Variants in GALNT1 observed in about 807,000 individuals in gnomAD.
GALNT1 encodes polypeptide N-acetylgalactosaminyltransferase 1.
In GALNT1, 17 loss-of-function variants were observed where a neutral mutation model predicts 65.7. The ratio of observed to expected loss-of-function variants is 0.26; its 90% CI spans 0.18 to 0.39. GALNT1 has a LOEUF of 0.39. Among genes scored for constraint, GALNT1 ranks in the 10% least tolerant of loss-of-function variants. GALNT1 has a pLI of 1.00. For synonymous variants in GALNT1, 210 were observed against 219.7 expected, an observed-to-expected ratio of 0.96 and a Z score of 0.39; for missense variants, 460 against 672.8, an observed-to-expected ratio of 0.68 and a Z score of 3.50.
intron 1 of GALNT1, among the ~76,000 whole-genome samples, chr18:35,652,424 C>T (rs2047323034): frequency 6.6e-6 from 1 of 152,086 alleles, no homozygotes; most frequent in African/African-American, 2.4e-5. Context: ...GAGTTTCAGC[C>T]CCCTTTTTTC....
At position 35,654,757 on chromosome 18, in the gene GALNT1, A is replaced by G; in HGVS notation, c.95A>G (p.Asn32Ser). Residue 32 changes from asparagine to serine, a missense_variant, in exon 2 of 12, where the codon AAC becomes AGC. Coordinates refer to ENST00000269195, the MANE Select transcript of GALNT1 (RefSeq NM_020474.4). ...MFLLLYFSEC[N>S]KCDEKKERGL... ...CTGCTGCTTTACTTCAGTGAATGCA[A>G]CAAATGTGATGAAAAAAAGGAGAGA... 1 of 1,574,942 alleles carries G rather than the reference A, an allele frequency of 6.3e-7. No homozygotes were observed. The highest frequency in any genetic ancestry group is 8.6e-7 in the Non-Finnish European group (1 of 1,158,266).
intron 1 of GALNT1, among the ~76,000 whole-genome samples, chr18:35,637,086 C>G (rs1463826817): frequency 6.6e-6 from 1 of 152,056 alleles, no homozygotes; most frequent in Admixed American, 6.5e-5. Context: ...CCAGCCGTTT[C>G]CCTGTCTCTC....
At chr18:35,606,208 G>A (rs998363051) in intron 1 of GALNT1, among the ~76,000 whole-genome samples, 1 of 152,172 alleles carries the variant, frequency 6.6e-6, no homozygotes, top group Non-Finnish European at 1.5e-5. Context: ...GTCTCATAAA[G>A]CTTCCGCCTG....
rs1404615329 is a variant in GALNT1 at position 35,709,688 on chromosome 18, A to G, written c.1598A>G (p.Gln533Arg). The G allele has an allele frequency of 6.2e-7, 1 of 1,614,170 alleles. No homozygotes were observed. The highest frequency in any genetic ancestry group is 1.6e-4 in the Middle Eastern group (1 of 6,062). ...CLDKATEEDS[Q>R]VPSIRDCNGS... ...GATAAAGCCACAGAAGAGGATAGCC[A>G]GGTGCCCAGCATTAGAGACTGCAAT... Residue 533 changes from glutamine to arginine, a missense_variant, in exon 12 of 12, where the codon CAG becomes CGG. By Grantham distance (43) the Gln-to-Arg change is conservative (BLOSUM62 1). Transcript: ENST00000269195.
At chr18:35,671,503 C>T (rs760705913) in intron 3 of GALNT1, among the ~76,000 whole-genome samples, 4 of 152,134 alleles carry the variant, frequency 2.6e-5, no homozygotes, top group Non-Finnish European at 4.4e-5. Context: ...ATGACTTGAT[C>T]TACATGTATT....
chr18:35,645,157 A>G (rs1339927467), intron 1 of GALNT1, among the ~76,000 whole-genome samples: 2 of 151,264 alleles, frequency 1.3e-5, no homozygotes, highest in African/African-American at 2.4e-5. Flanking sequence ...GTATCCTTCA[A>G]TAAAGCTCCA....
At chr18:35,598,014 CTCCCCTCCAATCCCCTCCCA>C (rs567204698) in intron 1 of GALNT1, among the ~76,000 whole-genome samples, 3,934 of 68,804 alleles carry the variant, frequency 0.057, 302 homozygotes, top group Admixed American at 0.12. Flanking sequence ...CTCCCCTCCC[CTCCCCTCCAATCCCCTCCCA>C]TCCCCTCCCC....
intron 1 of GALNT1, among the ~76,000 whole-genome samples, chr18:35,583,240 T>C (rs1328128422): frequency 1.3e-5 from 2 of 152,224 alleles, no homozygotes; most frequent in Non-Finnish European, 2.9e-5. Context: ...ACTCAAGTAA[T>C]GCAGAATGTG....
intron 1 of GALNT1, among the ~76,000 whole-genome samples, chr18:35,637,658 G>A (rs7241047): frequency 0.22 from 34,111 of 152,156 alleles, 4,297 homozygotes; most frequent in African/African-American, 0.33. Flanking sequence ...GTTATCCAGA[G>A]GATCTAGCTA....
chr18:35,611,301 C>T (rs1424760879), intron 1 of GALNT1, among the ~76,000 whole-genome samples: 3 of 151,990 alleles, frequency 2.0e-5, no homozygotes, highest in African/African-American at 7.3e-5. Flanking sequence ...ACTAAATTGG[C>T]CAAGGGATTG....
chr18:35,695,873 A>T (rs974796379), intron 9 of GALNT1, among the ~76,000 whole-genome samples: 1 of 152,192 alleles, frequency 6.6e-6, no homozygotes, highest in African/African-American at 2.4e-5. Context: ...GCTTGTCTTT[A>T]GAACCAAAAA....
intron 11 of GALNT1, among the ~76,000 whole-genome samples, chr18:35,708,220 A>G (rs2048297646): frequency 6.6e-6 from 1 of 152,062 alleles, no homozygotes; most frequent in African/African-American, 2.4e-5. Context: ...TCCTCTCAAT[A>G]AACTACACAA....
intron 1 of GALNT1, among the ~76,000 whole-genome samples, chr18:35,587,663 A>T (rs1334550470): frequency 6.6e-6 from 1 of 152,206 alleles, no homozygotes; most frequent in Non-Finnish European, 1.5e-5. Flanking sequence ...TTTTTTAAAT[A>T]TTGAGCCAGC....
intron 1 of GALNT1, among the ~76,000 whole-genome samples, chr18:35,607,307 A>T (rs1422990969): frequency 6.6e-6 from 1 of 152,134 alleles, no homozygotes; most frequent in Admixed American, 6.5e-5. Flanking sequence ...TGTTGTCCTC[A>T]TGGAGTCCTT....
At chr18:35,677,333 A>T (rs1400205807) in intron 3 of GALNT1, among the ~76,000 whole-genome samples, 1 of 152,206 alleles carries the variant, frequency 6.6e-6, no homozygotes, top group Non-Finnish European at 1.5e-5. Context: ...GAATCACCTG[A>T]AAACATTCAT....
intron 9 of GALNT1, among the ~76,000 whole-genome samples, chr18:35,695,724 A>C (rs2048045034): frequency 6.6e-6 from 1 of 152,150 alleles, no homozygotes; most frequent in South Asian, 2.1e-4. Flanking sequence ...TGAGGGCTAC[A>C]TTGAGTTTCT....
intron 1 of GALNT1, among the ~76,000 whole-genome samples, chr18:35,629,217 C>T (rs12959465): frequency 0.1 from 15,627 of 152,024 alleles, 884 homozygotes; most frequent in Admixed American, 0.18. Context: ...ATACAGAGAA[C>T]GCCACAAAGA....
At chr18:35,642,617 T>A (rs953572178) in intron 1 of GALNT1, among the ~76,000 whole-genome samples, 30 of 152,294 alleles carry the variant, frequency 2.0e-4, no homozygotes, top group African/African-American at 6.5e-4. Flanking sequence ...TTTTGATATT[T>A]TATAAGTTTT....
chr18:35,659,721 AC>A (rs1385245961), intron 2 of GALNT1: 1 of 152,216 alleles, frequency 6.6e-6, no homozygotes, highest in Non-Finnish European at 1.5e-5. Flanking sequence ...AATTATTTCA[AC>A]TGTTGAACAT....
Sources: gnomAD v4.1 joint callset for allele counts (sites outside exome capture counted in the v4.1 genomes callset) on GRCh38, gnomAD v4.1.1 for gene constraint, MANE v1.5 for transcripts, NCBI Gene and HGNC (gene_info 2026-07-23, HGNC 2026-07-21) for gene names.